Variants in SEMA6A observed in about 807,000 individuals in gnomAD.
SEMA6A encodes the protein semaphorin-6A.
A neutral mutation model predicts 96.8 loss-of-function variants in SEMA6A; 25 were observed. The observed-to-expected ratio is 0.26, with a 90% CI of 0.19 to 0.36. The LOEUF (loss-of-function observed/expected upper bound fraction) is 0.36. Among genes scored for constraint, SEMA6A ranks in the 10% least tolerant of loss-of-function variants. The probability of loss-of-function intolerance (pLI) is 1.00; values close to 1 mark genes in which losing one functional copy is unlikely to be tolerated. For synonymous variants in SEMA6A, 612 were observed against 518.0 expected, an observed-to-expected ratio of 1.18 and a Z score of -2.46; for missense variants, 1,363 against 1,323.1, an observed-to-expected ratio of 1.03 and a Z score of -0.47.
In SEMA6A at chr5:116,447,090, C is replaced by A. The variant is rs893735009; in HGVS notation, c.2616G>T (p.Glu872Asp). 3 of 1,613,972 alleles carry A rather than the reference C, an allele frequency of 1.9e-6. No individual in the cohort carries two copies. The East Asian group carries it at 6.7e-5, about 36-fold the overall frequency. ...KSPNHGVNLVENLDSLPPKVP... is the reference protein window; with the variant it reads ...KSPNHGVNLVDNLDSLPPKVP... ...CTTTGGGGGGCAGGCTGTCCAGGTT[C>A]TCCACAAGGTTCACCCCATGGTTGG... The change falls in exon 19 of 19, where the codon GAG becomes GAT. Residue 872 changes from glutamate (E) to aspartate (D), a missense_variant. Physicochemically the swap from Glu to Asp is conservative, Grantham distance 45 (BLOSUM62 2). Around this residue, in one of 2 missense-constraint regions of SEMA6A, gnomAD observed 883 missense variants for 763.6 expected, o/e 1.16. Coordinates refer to ENST00000343348, the MANE Select transcript of SEMA6A (RefSeq NM_020796.5).
At chr5:116,461,837 G>A (rs1755423576) in intron 18 of SEMA6A, among the ~76,000 whole-genome samples, 1 of 152,132 alleles carries the variant, frequency 6.6e-6, no homozygotes, top group Non-Finnish European at 1.5e-5. Flanking sequence ...TTCTTGGACA[G>A]GAACTACGTC....
chr5:116,517,354 A>G (rs1758719082), intron 1 of SEMA6A, among the ~76,000 whole-genome samples: 1 of 152,150 alleles, frequency 6.6e-6, no homozygotes, highest in Admixed American at 6.5e-5. Context: ...AAAACAGGAT[A>G]TAAAGTGATG....
chr5:116,532,745 T>C (rs1431766031), intron 1 of SEMA6A, among the ~76,000 whole-genome samples: 1 of 152,036 alleles, frequency 6.6e-6, no homozygotes, highest in African/African-American at 2.4e-5. Flanking sequence ...TAAAGACTTA[T>C]CGGTACTGGA....
chr5:116,478,979 T>C (rs1756616578), intron 12 of SEMA6A, among the ~76,000 whole-genome samples: 1 of 151,476 alleles, frequency 6.6e-6, no homozygotes, highest in South Asian at 2.1e-4. Context: ...GGCCAAGTAC[T>C]ATAATAGCCA....
At chr5:116,572,216 AG>A (rs1761245157) in intron 1 of SEMA6A, among the ~76,000 whole-genome samples, 1 of 152,188 alleles carries the variant, frequency 6.6e-6, no homozygotes, top group Admixed American at 6.5e-5. Flanking sequence ...TGTGCGTACA[AG>A]GGCGAGTGTG....
At chr5:116,536,854 C>T (rs896993847) in intron 1 of SEMA6A, among the ~76,000 whole-genome samples, 1 of 125,056 alleles carries the variant, frequency 8.0e-6, no homozygotes, top group South Asian at 2.6e-4. Flanking sequence ...ATTCAGTCCC[C>T]GTGTGATTTC....
intron 1 of SEMA6A, among the ~76,000 whole-genome samples, chr5:116,556,441 T>C (rs1416676948): frequency 1.3e-5 from 2 of 152,202 alleles, no homozygotes; most frequent in Non-Finnish European, 2.9e-5. Context: ...TGGTGTCAAA[T>C]ATTAATAGCT....
At chr5:116,499,505 G>A (rs1469861108) in intron 3 of SEMA6A, among the ~76,000 whole-genome samples, 1 of 152,164 alleles carries the variant, frequency 6.6e-6, no homozygotes, top group Non-Finnish European at 1.5e-5. Flanking sequence ...GAGCAATGTT[G>A]AGAAGTGTAA....
chr5:116,457,204 A>G (rs932483735), intron 18 of SEMA6A, among the ~76,000 whole-genome samples: 1 of 152,196 alleles, frequency 6.6e-6, no homozygotes, highest in African/African-American at 2.4e-5. Context: ...CACTTAGGGT[A>G]TATTTATTAC....
intron 11 of SEMA6A, among the ~76,000 whole-genome samples, chr5:116,480,664 G>A (rs192156860): frequency 6.6e-6 from 1 of 152,246 alleles, no homozygotes; most frequent in East Asian, 1.9e-4. Context: ...TCTACAGAGG[G>A]AAAGAATTAG....
At chr5:116,471,394 A>G (rs1416786454) in intron 17 of SEMA6A, 2 of 152,180 alleles carry the variant, frequency 1.3e-5, no homozygotes, top group African/African-American at 4.8e-5. Context: ...TCTTGGTATG[A>G]TTGATGAATG....
chr5:116,502,098 A>G, intron 3 of SEMA6A, 112 bp downstream of exon 3: 1 of 769,742 alleles, frequency 1.3e-6, no homozygotes, highest in Non-Finnish European at 2.2e-6. Context: ...TTTAAGTTAA[A>G]TAACACTCTA....
At chr5:116,475,353 T>C (rs758611035) in intron 16 of SEMA6A, among the ~76,000 whole-genome samples, 192 bp downstream of exon 16, 1 of 152,212 alleles carries the variant, frequency 6.6e-6, no homozygotes, top group Non-Finnish European at 1.5e-5. Context: ...CCAGCATTTA[T>C]AGTGACAACA....
intron 18 of SEMA6A, among the ~76,000 whole-genome samples, chr5:116,459,642 T>C (rs1755247033): frequency 6.6e-6 from 1 of 152,180 alleles, no homozygotes; most frequent in African/African-American, 2.4e-5. Flanking sequence ...CTGTGAAATC[T>C]AACTTTTCCT....
intron 1 of SEMA6A, among the ~76,000 whole-genome samples, chr5:116,519,886 A>C (rs1363742139): frequency 6.6e-6 from 1 of 151,938 alleles, no homozygotes; most frequent in Admixed American, 6.6e-5. Context: ...ATTGCTATCT[A>C]CTTAGTCTTT....
intron 1 of SEMA6A, chr5:116,562,465 G>T (rs1299341124): frequency 1.9e-5 from 7 of 363,308 alleles, no homozygotes; most frequent in Non-Finnish European, 3.2e-5. Context: ...TCAGGTTTTT[G>T]ATATTTGTTC....
intron 1 of SEMA6A, among the ~76,000 whole-genome samples, chr5:116,561,807 C>G (rs1051623399): frequency 3.3e-5 from 5 of 152,072 alleles, no homozygotes; most frequent in Admixed American, 6.5e-5. Flanking sequence ...AATATGAAAA[C>G]GAAAGCATCA....
At chr5:116,498,993 A>G (rs1462634573) in intron 3 of SEMA6A, 2 of 152,158 alleles carry the variant, frequency 1.3e-5, no homozygotes, top group Non-Finnish European at 2.9e-5. Flanking sequence ...AAGAAGAGGA[A>G]TTTACAAAGT....
At chr5:116,546,909 GGCTTCA>G (rs2112875503) in intron 1 of SEMA6A, among the ~76,000 whole-genome samples, 2 of 152,252 alleles carry the variant, frequency 1.3e-5, no homozygotes, top group Admixed American at 1.3e-4. Context: ...AGCAAACACA[GGCTTCA>G]GCCTGATAAG....
Sources: allele counts gnomAD v4.1 joint callset (sites outside exome capture counted in the v4.1 genomes callset), GRCh38; gene constraint gnomAD v4.1.1; regional missense constraint gnomAD v4.1.1; transcripts MANE v1.5; gene names NCBI Gene and HGNC (gene_info 2026-07-23, HGNC 2026-07-21).